EDF1: variants seen among roughly 807,000 people sequenced by gnomAD.
EDF1 encodes endothelial differentiation-related factor 1.
In EDF1, 5 loss-of-function variants were observed where a neutral mutation model predicts 20.8. The observed-to-expected ratio is 0.24, with a 90% CI of 0.13 to 0.51. EDF1 has a LOEUF of 0.51. Ranked by LOEUF, EDF1 falls within the 20% of genes least tolerant of loss-of-function variation. EDF1 has a pLI of 0.97. For missense variants in EDF1, 137 were observed against 197.8 expected (o/e 0.69, Z 1.84); for synonymous variants, 96 against 78.5 (o/e 1.22, Z -1.18).
At chr9:136,864,995 C>T (rs1849186242) in intron 1 of EDF1, among the ~76,000 whole-genome samples, 2 of 152,176 alleles carry the variant, frequency 1.3e-5, no homozygotes, top group Admixed American at 6.5e-5. Context: ...TGCTGCCACG[C>T]AATTATTCCC....
intron 1 of EDF1, 138 bp downstream of exon 1, chr9:136,866,043 C>G (rs531790569): frequency 1.3e-6 from 1 of 789,180 alleles, no homozygotes; most frequent in Admixed American, 4.2e-5. Flanking sequence ...CTGCCCCCGG[C>G]ACCCCAGCCT....
Position 136,862,556 on chromosome 9 carries a change from C to A in EDF1, c.386-211G>T, listed in dbSNP as rs918209802. On this transcript the variant is annotated intron_variant, in intron 4 of 4. Transcript: ENST00000224073. This position sits in a 1 kb window ranked among gnomAD's most constrained non-coding sequence, Gnocchi z 4.1. Reference sequence around the variant, plus strand: ...ACAGCAGAGCATGAACACCCCTCTCCGGAAGAACCGGAGCCGGGGTCCTCT... The same window carrying A: ...ACAGCAGAGCATGAACACCCCTCTCAGGAAGAACCGGAGCCGGGGTCCTCT... 6.3e-7 allele frequency: 1 copy of A among 1,587,520 alleles called. No homozygotes were observed. The highest frequency in any genetic ancestry group is 1.7e-5 in the Admixed American group (1 of 57,630).
chr9:136,862,537 G>T lies in EDF1; in HGVS notation c.386-192C>A. 2.5e-6 allele frequency: 4 copies of T among 1,603,252 alleles called. No homozygotes were observed. The highest frequency in any genetic ancestry group is 3.4e-6 in the Non-Finnish European group (4 of 1,178,502). On this transcript the variant is annotated intron_variant, in intron 4 of 4. Coordinates refer to ENST00000224073, the MANE Select transcript of EDF1 (RefSeq NM_003792.4). The surrounding 1 kb of genome is among the most constrained non-coding windows in gnomAD (Gnocchi z 4.1). The stretch of plus-strand genomic sequence containing the variant: ...ATGAGTCTGATCACCTTAGACAGCA[G>T]AGCATGAACACCCCTCTCCGGAAGA...
rs760331664 is a variant in EDF1, at chr9:136,863,843, TCTC to T, written c.104_106del (p.Gly35del). The T allele has an allele frequency of 2.5e-6, 4 of 1,613,794 alleles. No homozygotes were observed. The highest frequency in any genetic ancestry group is 8.5e-7 in the Non-Finnish European group (1 of 1,179,954). On this transcript the variant is annotated inframe_deletion, in exon 2 of 5. Coordinates refer to ENST00000224073, the MANE Select transcript of EDF1 (RefSeq NM_003792.4). The surrounding 1 kb of genome is among the most constrained non-coding windows in gnomAD (Gnocchi z 4.5). ...ACATTTCTTGGAAGTCTCCACATCT[TCTC>T]CTCGTCTCTGTGCCGCTAAGATAGC...
intron 1 of EDF1, among the ~76,000 whole-genome samples, chr9:136,865,136 C>T (rs1849189351): frequency 6.6e-6 from 1 of 152,174 alleles, no homozygotes; most frequent in African/African-American, 2.4e-5. Flanking sequence ...CGCATCCTGG[C>T]CCAACTGGCC....
chr9:136,862,319 C>T lies in EDF1; in HGVS notation c.412G>A (p.Gly138Arg). 6.2e-7 allele frequency: 1 copy of T among 1,614,044 alleles called. No homozygotes were observed. Among genetic ancestry groups the T allele is most frequent in the Non-Finnish European group, 8.5e-7 (1 of 1,179,988 alleles). ...IGLKLRGKDIGKPIEKGPRAK is the reference protein window; with the variant it reads ...IGLKLRGKDIRKPIEKGPRAK ...CTAGGCCCCTTCTCGATGGGCTTTC[C>T]AATGTCCTTTCCCCGGAGCTTGAGG... Residue 138 changes from glycine (G) to arginine (R), a missense_variant, in exon 5 of 5, where the codon GGA becomes AGA. Physicochemically the swap from Gly to Arg is moderately radical, Grantham distance 125. Coordinates refer to ENST00000224073, the MANE Select transcript of EDF1 (RefSeq NM_003792.4). The surrounding 1 kb of genome is among the most constrained non-coding windows in gnomAD (Gnocchi z 4.1).
chr9:136,866,124 G>A, intron 1 of EDF1, 57 bp downstream of exon 1: 1 of 1,537,252 alleles, frequency 6.5e-7, no homozygotes. Context: ...CACGGTCCGT[G>A]GCCCCGGCCC....
chr9:136,862,866 C>T lies in EDF1; in HGVS notation c.385+40G>A. The T allele has an allele frequency of 6.2e-7, 1 of 1,612,322 alleles. No individual in the cohort carries two copies. Among genetic ancestry groups the T allele is most frequent in the Non-Finnish European group, 8.5e-7 (1 of 1,179,972 alleles). ...ACCCCAGCTGGGAGCGGGTAGCCTC[C>T]CTGTTCAGCGGACCCGGCGAAGGGT... On this transcript the variant is annotated intron_variant, in intron 4 of 4. Coordinates refer to ENST00000224073, the MANE Select transcript of EDF1 (RefSeq NM_003792.4). The surrounding 1 kb of genome is among the most constrained non-coding windows in gnomAD (Gnocchi z 4.1).
Position 136,862,875 on chromosome 9 carries a change from C to G in EDF1, c.385+31G>C, listed in dbSNP as rs201292055. On this transcript the variant is annotated intron_variant, in intron 4 of 4. Coordinates refer to ENST00000224073, the MANE Select transcript of EDF1 (RefSeq NM_003792.4). The surrounding 1 kb of genome is among the most constrained non-coding windows in gnomAD (Gnocchi z 4.1). The stretch of plus-strand genomic sequence containing the variant: ...GGGAGCGGGTAGCCTCCCTGTTCAG[C>G]GGACCCGGCGAAGGGTGGAGGGACA... 1.1e-5 allele frequency: 18 copies of G among 1,612,370 alleles called. No homozygotes were observed. Among genetic ancestry groups the G allele is most frequent in the East Asian group, 1.1e-4 (5 of 44,894 alleles).
chr9:136,866,214 C>T lies in EDF1; in HGVS notation c.45G>A (p.Lys15=), dbSNP rs141718096. The change falls in exon 1 of 5, where the codon AAG becomes AAA. Residue 15 remains lysine (K), a synonymous_variant. Transcript: ENST00000224073. ...DWDTVTVLRK[K]GPTAAQAKSK... ...ATTTGGCCTGGGCGGCCGTAGGGCC[C>T]TTCTTGCGCAGCACCGTCACCGTGT... is the stretch of plus-strand genomic sequence containing the variant. 1.4e-5 allele frequency: 22 copies of T among 1,601,888 alleles called. No homozygotes were observed. The African/African-American group carries it at 2.6e-4, about 19-fold the overall frequency.
In EDF1 at chr9:136,863,976, GTGGTGCCCAAGGACTGATATGCAGTCC is replaced by G; in HGVS notation, c.79-132_79-106del. The G allele has an allele frequency of 8.1e-7, 1 of 1,232,622 alleles. No individual in the cohort carries two copies. Among genetic ancestry groups the G allele is most frequent in the South Asian group, 1.3e-5 (1 of 79,254 alleles). The allele number at this position is 1,232,622 out of a possible 1,614,324, so 76.4% of individuals were successfully genotyped here. On this transcript the variant is annotated intron_variant, in intron 1 of 4. Coordinates refer to ENST00000224073, the MANE Select transcript of EDF1 (RefSeq NM_003792.4). This position sits in a 1 kb window ranked among gnomAD's most constrained non-coding sequence, Gnocchi z 4.5. Reference sequence around the variant, plus strand: ...CCAGTTAGCACACTGCTAAGGACTAGTGGTGCCCAAGGACTGATATGCAGTCCTGGGTTCAGTTACCTAAGCTCAACT... The same window carrying G: ...CCAGTTAGCACACTGCTAAGGACTAGTGGGTTCAGTTACCTAAGCTCAACT...
chr9:136,863,736 CG>C lies in EDF1; in HGVS notation c.130+83del. The C allele has an allele frequency of 1.3e-6, 2 of 1,528,892 alleles. No individual in the cohort carries two copies. Among genetic ancestry groups the C allele is most frequent in the Non-Finnish European group, 9.0e-7 (1 of 1,108,278 alleles). 94.7% of individuals were successfully genotyped at this position (1,528,892 alleles called of 1,614,324 possible). Reference sequence around the variant, plus strand: ...GCAGGCACTCAGCTGACAACGTCCCCGGGGGCGCCGCACACACCACACCCAC... The same window carrying C: ...GCAGGCACTCAGCTGACAACGTCCCCGGGGCGCCGCACACACCACACCCAC... On this transcript the variant is annotated intron_variant, in intron 2 of 4. Transcript: ENST00000224073. This position sits in a 1 kb window ranked among gnomAD's most constrained non-coding sequence, Gnocchi z 4.5.
rs1849153830 is a variant in EDF1, at chr9:136,863,549, C to T, written c.131-101G>A. The stretch of plus-strand genomic sequence containing the variant: ...CCAGACCCCAGAGGCTGCCTGAACT[C>T]AAGGGGACATGGGAACCCAGGCTGT... On this transcript the variant is annotated intron_variant, in intron 2 of 4. Coordinates refer to ENST00000224073, the MANE Select transcript of EDF1 (RefSeq NM_003792.4). The surrounding 1 kb of genome is among the most constrained non-coding windows in gnomAD (Gnocchi z 4.5). The T allele has an allele frequency of 6.9e-7, 1 of 1,445,108 alleles. No individual in the cohort carries two copies. The highest frequency in any genetic ancestry group is 1.4e-5 in the African/African-American group (1 of 70,706). 89.5% of individuals were successfully genotyped at this position (1,445,108 alleles called of 1,614,324 possible).
rs752173214 is a variant in EDF1, at chr9:136,863,414, G to A, written c.165C>T (p.Thr55=). Residue 55 remains threonine, a synonymous_variant, in exon 3 of 5, where the codon ACC becomes ACT. Transcript: ENST00000224073. The surrounding 1 kb of genome is among the most constrained non-coding windows in gnomAD (Gnocchi z 4.5). ...AAGQNKQHSI[T]KNTAKLDRET... ...CCCGGTCCAGCTTGGCCGTGTTCTT[G>A]GTAATAGAATGTTGTTTGTTCTGGC... 3.1e-6 allele frequency: 5 copies of A among 1,614,104 alleles called. No homozygotes were observed. In the Admixed American group the frequency reaches 8.3e-5, roughly 27 times the overall value.
chr9:136,863,101 G>T lies in EDF1; in HGVS notation c.292-102C>A. ...AACAGCAGCTTCTAGGGCCCCTGGG[G>T]TACGCACCCACACGCAGCTGGGTTT... On this transcript the variant is annotated intron_variant, in intron 3 of 4. Transcript: ENST00000224073. The surrounding 1 kb of genome is among the most constrained non-coding windows in gnomAD (Gnocchi z 4.5). The T allele has an allele frequency of 6.5e-7, 1 of 1,543,720 alleles. No individual in the cohort carries two copies. The highest frequency in any genetic ancestry group is 8.9e-7 in the Non-Finnish European group (1 of 1,125,562).
chr9:136,866,074 T>A, intron 1 of EDF1, 107 bp downstream of exon 1: 2 of 832,224 alleles, frequency 2.4e-6, no homozygotes, highest in Non-Finnish European at 3.1e-6. Context: ...CCCTGCGCCC[T>A]GTCCCAGGCC....
chr9:136,863,190 A>AG lies in EDF1; in HGVS notation c.291+97dup. 1.3e-6 allele frequency: 2 copies of AG among 1,542,618 alleles called. No homozygotes were observed. The highest frequency in any genetic ancestry group is 2.3e-5 in the East Asian group (1 of 44,372). On this transcript the variant is annotated intron_variant, in intron 3 of 4. Coordinates refer to ENST00000224073, the MANE Select transcript of EDF1 (RefSeq NM_003792.4). The surrounding 1 kb of genome is among the most constrained non-coding windows in gnomAD (Gnocchi z 4.5). The stretch of plus-strand genomic sequence containing the variant: ...CCGAGGCATTCCCTGCAGGGGAACC[A>AG]GGGGGGTGGAGCCCACCCTCCCCGT...
chr9:136,862,384 C>T lies in EDF1; in HGVS notation c.386-39G>A. On this transcript the variant is annotated intron_variant, in intron 4 of 4. Coordinates refer to ENST00000224073, the MANE Select transcript of EDF1 (RefSeq NM_003792.4). The surrounding 1 kb of genome is among the most constrained non-coding windows in gnomAD (Gnocchi z 4.1). ...CAGCCACTGGCCACTGCAGCACCAG[C>T]TCCCTCCTCCCCCCAACGCTGCCCC... The T allele has an allele frequency of 6.2e-7, 1 of 1,614,012 alleles. No homozygotes were observed. The highest frequency in any genetic ancestry group is 1.6e-4 in the Middle Eastern group (1 of 6,062).
Position 136,863,933 on chromosome 9 carries a change from ATT to A in EDF1, c.79-64_79-63del. The A allele has an allele frequency of 1.3e-6, 2 of 1,568,654 alleles. No individual in the cohort carries two copies. Among genetic ancestry groups the A allele is most frequent in the South Asian group, 2.2e-5 (2 of 90,040 alleles). ...CTTTGACAGTATCCAGCACACACCAATTCAGGCCTGCTGTTAGCCAGTTAGCA... is the reference window on the plus strand; with the variant it reads ...CTTTGACAGTATCCAGCACACACCAACAGGCCTGCTGTTAGCCAGTTAGCA... On this transcript the variant is annotated intron_variant, in intron 1 of 4. Coordinates refer to ENST00000224073, the MANE Select transcript of EDF1 (RefSeq NM_003792.4). This position sits in a 1 kb window ranked among gnomAD's most constrained non-coding sequence, Gnocchi z 4.5.
Sources: allele counts gnomAD v4.1 joint callset (sites outside exome capture counted in the v4.1 genomes callset), GRCh38; gene constraint gnomAD v4.1.1; non-coding constraint Gnocchi (gnomAD v3.1); transcripts MANE v1.5; gene names NCBI Gene and HGNC (gene_info 2026-07-23, HGNC 2026-07-21).